The following TMPRSS15 variants were observed in gnomAD, a reference collection of about 807,000 sequenced individuals.
TMPRSS15 encodes the protein enteropeptidase.
In TMPRSS15, 128 loss-of-function variants were observed where a neutral mutation model predicts 125.3. The ratio of observed to expected loss-of-function variants is 1.02; its 90% confidence interval spans 0.89 to 1.18. The LOEUF (loss-of-function observed/expected upper bound fraction) is 1.18, where lower values mean the gene tolerates loss of function less well. TMPRSS15 is among the 50% of genes most tolerant of loss of function. TMPRSS15 has a pLI of 0.00. For synonymous variants in TMPRSS15, 446 were observed against 423.2 expected (o/e 1.05, Z -0.66); for missense variants, 1,283 against 1,212.7 (o/e 1.06, Z -0.86).
rs371533040 is a variant in TMPRSS15 at position 18,341,393 on chromosome 21, T to C, written c.1564+20A>G. ...ACGTTAATGATTTAATAAGACAAAATACACATGAAGGTTACTTACTAGGAA... is the reference window on the plus strand; with the variant it reads ...ACGTTAATGATTTAATAAGACAAAACACACATGAAGGTTACTTACTAGGAA... On this transcript the variant is annotated intron_variant, in intron 13 of 24. Transcript: ENST00000284885. 6.2e-6 allele frequency: 10 copies of C among 1,613,888 alleles called. No homozygotes were observed. Among genetic ancestry groups the C allele is most frequent in the African/African-American group, 2.7e-5 (2 of 74,888 alleles).
chr21:18,319,617 G>A (rs372775134), intron 16 of TMPRSS15, among the ~76,000 whole-genome samples: 7 of 151,986 alleles, frequency 4.6e-5, no homozygotes, highest in Admixed American at 6.6e-5. Flanking sequence ...TAGGTGAGAC[G>A]GGGTTTTCTC....
intron 12 of TMPRSS15, among the ~76,000 whole-genome samples, chr21:18,342,045 G>A (rs2075452033): frequency 1.3e-5 from 2 of 152,114 alleles, no homozygotes; most frequent in South Asian, 4.2e-4. Flanking sequence ...GATCATTCAG[G>A]GCCAGCTGTT....
Position 18,397,958 on chromosome 21 carries a change from T to C in TMPRSS15, c.277-12A>G, listed in dbSNP as rs201633847. Reference sequence around the variant, plus strand: ...AAGATCTCATCTATCTAGAAAAATATAAAAGATTGAATGAGTATACTAAAT... The same window carrying C: ...AAGATCTCATCTATCTAGAAAAATACAAAAGATTGAATGAGTATACTAAAT... On this transcript the variant is annotated splice_polypyrimidine_tract_variant and intron_variant, in intron 2 of 24. Transcript: ENST00000284885. 275 of 1,447,472 alleles carry C rather than the reference T, an allele frequency of 1.9e-4. No individual in the cohort carries two copies. The highest frequency in any genetic ancestry group is 5.4e-4 in the South Asian group (44 of 80,864). 89.7% of individuals were successfully genotyped at this position (1,447,472 alleles called of 1,614,324 possible). A position where few individuals can be genotyped will look rare whatever the true frequency, so the allele number is the denominator to read the frequency against.
At chr21:18,463,846 ACT>A (rs2123276874) in intron 1 of TMPRSS15, among the ~76,000 whole-genome samples, 1 of 152,242 alleles carries the variant, frequency 6.6e-6, no homozygotes, top group East Asian at 1.9e-4. Flanking sequence ...CTCCTGAATG[ACT>A]ACTGCATAAA....
At chr21:18,330,990 G>A (rs1234643980) in intron 14 of TMPRSS15, among the ~76,000 whole-genome samples, 1 of 149,646 alleles carries the variant, frequency 6.7e-6, no homozygotes, top group African/African-American at 2.5e-5. Flanking sequence ...GGAGAATGGC[G>A]TGAACCCGGG....
chr21:18,356,149 A>C (rs146900863), intron 8 of TMPRSS15, among the ~76,000 whole-genome samples: 52 of 151,984 alleles, frequency 3.4e-4, no homozygotes, highest in Admixed American at 6.6e-4. Flanking sequence ...GAATTAACTC[A>C]TCATTTGTCT....
At chr21:18,470,336 C>T (rs1252901692) in intron 1 of TMPRSS15, among the ~76,000 whole-genome samples, 2 of 151,746 alleles carry the variant, frequency 1.3e-5, no homozygotes, top group Non-Finnish European at 2.9e-5. Context: ...AAAAAGTATG[C>T]TTTTTAGGAG....
intron 21 of TMPRSS15, among the ~76,000 whole-genome samples, chr21:18,291,752 GA>G (rs11342942): frequency 0.81 from 123,397 of 151,622 alleles, 50,292 homozygotes; most frequent in Non-Finnish European, 0.84. Flanking sequence ...AGGCATTAGA[GA>G]AAAAAAAAAT....
chr21:18,396,557 G>A (rs2076038963), intron 3 of TMPRSS15, among the ~76,000 whole-genome samples: 1 of 151,882 alleles, frequency 6.6e-6, no homozygotes, highest in Non-Finnish European at 1.5e-5. Context: ...GGCGGATCAC[G>A]AGGTCAGGAG....
intron 13 of TMPRSS15, among the ~76,000 whole-genome samples, chr21:18,337,067 T>C (rs536154255): frequency 1.3e-5 from 2 of 152,218 alleles, no homozygotes; most frequent in Non-Finnish European, 2.9e-5. Flanking sequence ...TTTTTCTTTC[T>C]TTTCCCCAGA....
chr21:18,421,016 T>TCCAGGTG (rs1555911875), intron 1 of TMPRSS15, among the ~76,000 whole-genome samples: 8 of 152,158 alleles, frequency 5.3e-5, no homozygotes, highest in Non-Finnish European at 1.5e-5. Context: ...ATATGTACAC[T>TCCAGGTG]ACATTTCTAA....
At chr21:18,433,820 G>A (rs1270328588) in intron 1 of TMPRSS15, among the ~76,000 whole-genome samples, 1 of 151,978 alleles carries the variant, frequency 6.6e-6, no homozygotes, top group South Asian at 2.1e-4. Flanking sequence ...TGAGTAGTTT[G>A]TTTTGGAGTT....
At chr21:18,380,655 C>G (rs1209894631) in intron 4 of TMPRSS15, 1 of 451,388 alleles carries the variant, frequency 2.2e-6, no homozygotes, top group African/African-American at 2.0e-5. Flanking sequence ...TTGAGTACAC[C>G]TTGAATATTC....
At chr21:18,327,255 G>A (rs1490981667) in intron 15 of TMPRSS15, among the ~76,000 whole-genome samples, 1 of 152,092 alleles carries the variant, frequency 6.6e-6, no homozygotes, top group Non-Finnish European at 1.5e-5. Flanking sequence ...ACTTTTCAAT[G>A]ATTTGTTTAA....
rs576202471 is a variant in TMPRSS15 at position 18,396,629 on chromosome 21, C to G, written c.344+1250G>C. ...CTCTACTAAAAATACAAAAAATTAGCCGGGTATGGTGGCGGGCACCTGTAG... is the reference window on the plus strand; with the variant it reads ...CTCTACTAAAAATACAAAAAATTAGGCGGGTATGGTGGCGGGCACCTGTAG... On this transcript the variant is annotated intron_variant, in intron 3 of 24. Coordinates refer to ENST00000284885, the MANE Select transcript of TMPRSS15 (RefSeq NM_002772.3). Among the ~76,000 whole-genome samples, 6 of 151,854 alleles carry G rather than the reference C, an allele frequency of 4.0e-5. No homozygotes were observed. In the East Asian group the frequency reaches 1.2e-3, roughly 29 times the overall value.
At position 18,440,482 on chromosome 21, in the gene TMPRSS15, C is replaced by A. The variant is rs140519866; in HGVS notation, c.11-42153G>T. On this transcript the variant is annotated intron_variant, in intron 1 of 7. Coordinates refer to the TMPRSS15 transcript ENST00000422787. The stretch of plus-strand genomic sequence containing the variant: ...AGCTTTGAGATCATAAATCTTAGAA[C>A]CTCCATTTCCCTAACTATTTCATAA... Among the ~76,000 whole-genome samples the A allele has an allele frequency of 2.3e-3, 346 of 150,998 alleles. 2 individuals carry two copies. Among genetic ancestry groups the A allele is most frequent in the Middle Eastern group, 7.0e-3 (2 of 286 alleles).
intron 3 of TMPRSS15, among the ~76,000 whole-genome samples, chr21:18,388,213 G>C (rs984889155): frequency 3.3e-5 from 5 of 152,154 alleles, no homozygotes. Flanking sequence ...TCTCTACACT[G>C]ATGAAGTACA....
chr21:18,284,873 C>T (rs756514741), intron 21 of TMPRSS15, among the ~76,000 whole-genome samples: 60 of 151,954 alleles, frequency 3.9e-4, no homozygotes, highest in Non-Finnish European at 3.5e-4. Context: ...TGGTGGTGCA[C>T]GCCTGTAATC....
intron 1 of TMPRSS15, among the ~76,000 whole-genome samples, chr21:18,473,943 T>G (rs1978828083): frequency 6.6e-6 from 1 of 152,138 alleles, no homozygotes; most frequent in Non-Finnish European, 1.5e-5. Context: ...CATCAAGGGT[T>G]TGTCCTGTCT....
Sources: gnomAD v4.1 joint callset for allele counts (sites outside exome capture counted in the v4.1 genomes callset) on GRCh38, gnomAD v4.1.1 for gene constraint, MANE v1.5 for transcripts, NCBI Gene and HGNC (gene_info 2026-07-23, HGNC 2026-07-21) for gene names.